Variants in TRIM66 observed in about 807,000 individuals in gnomAD.
The protein encoded by TRIM66 is tripartite motif containing 66, also known as tripartite motif-containing protein 66.
A neutral mutation model predicts 148.2 loss-of-function variants in TRIM66; 99 were observed. That is an observed-to-expected ratio of 0.67 (90% CI 0.57 to 0.79). The LOEUF (loss-of-function observed/expected upper bound fraction) is 0.79, where lower values mean the gene tolerates loss of function less well. TRIM66 is among the 30% of genes least tolerant of loss of function. The probability of loss-of-function intolerance (pLI) is 0.00; values close to 1 mark genes in which losing one functional copy is unlikely to be tolerated. For synonymous variants in TRIM66, 616 were observed against 635.9 expected (o/e 0.97, Z 0.47); for missense variants, 1,666 against 1,697.9 (o/e 0.98, Z 0.33).
In TRIM66 at chr11:8,682,595, C is replaced by G. The variant is rs2039496020; in HGVS notation, c.-548+6G>C. 4.9e-6 allele frequency: 3 copies of G among 608,262 alleles called. No individual in the cohort carries two copies. The highest frequency in any genetic ancestry group is 8.8e-6 in the Non-Finnish European group (3 of 339,812). The allele number at this position is 608,262 out of a possible 1,614,324, so 37.7% of individuals were successfully genotyped here. A position where few individuals can be genotyped will look rare whatever the true frequency, so the allele number is the denominator to read the frequency against. ...CGCCCTCCGAGCCTAGCACAACGAG[C>G]CTCACCGAAACCGTACACCGCCACC... is the stretch of plus-strand genomic sequence containing the variant. On this transcript the variant is annotated splice_donor_region_variant and intron_variant, in intron 1 of 24. Coordinates refer to ENST00000646038, the MANE Select transcript of TRIM66 (RefSeq NM_001388022.1).
chr11:8,682,782 G>A (rs80106507), upstream of TRIM66: 6,561 of 1,613,502 alleles, frequency 4.1e-3, 224 homozygotes, highest in African/African-American at 0.074. Flanking sequence ...GAGACTTGGC[G>A]AAGGCCTTCC....
At chr11:8,631,611 A>G (rs1482651497) in intron 15 of TRIM66, among the ~76,000 whole-genome samples, 1 of 152,192 alleles carries the variant, frequency 6.6e-6, no homozygotes, top group African/African-American at 2.4e-5. Context: ...CTTTCAGTGA[A>G]TGACCTCATA....
rs200297337 is a variant in TRIM66, at chr11:8,618,886, C to T, written c.3983G>A (p.Arg1328Gln). The change falls in exon 24 of 25, where the codon CGG becomes CAG. Residue 1328 changes from arginine (R) to glutamine (Q), a missense_variant. Transcript: ENST00000646038. ...GWLKEIYPEK[R>Q]FAQPRQEDSD... ...GTCCTCCTGCCTTGGCTGGGCAAAC[C>T]GTTTCTCCGGGTAGATCTCCTTCAA... 1.7e-5 allele frequency: 27 copies of T among 1,551,240 alleles called. No individual in the cohort carries two copies. Among genetic ancestry groups the T allele is most frequent in the Admixed American group, 5.9e-5 (3 of 50,950 alleles).
chr11:8,663,981 G>C (rs1356292812), intron 6 of TRIM66, among the ~76,000 whole-genome samples: 1 of 152,146 alleles, frequency 6.6e-6, no homozygotes, highest in Non-Finnish European at 1.5e-5. Flanking sequence ...GGTTGGCAGG[G>C]GGCAAGGGTA....
chr11:8,682,461 G>A (rs1358915825), intron 1 of TRIM66, 140 bp downstream of exon 1: 2 of 380,518 alleles, frequency 5.3e-6, no homozygotes, highest in Non-Finnish European at 9.6e-6. Flanking sequence ...GAGGCCCTTA[G>A]GGTCGGCTTA....
intron 15 of TRIM66, 22 bp downstream of exon 15, chr11:8,638,632 G>A (rs185022954): frequency 5.2e-6 from 8 of 1,544,248 alleles, no homozygotes; most frequent in South Asian, 1.2e-5. Flanking sequence ...ATGTAGTTAG[G>A]GAAAACAGGC....
chr11:8,621,458 G>C, intron 19 of TRIM66, 137 bp from the exon 20 acceptor site: 1 of 1,337,610 alleles, frequency 7.5e-7, no homozygotes, highest in Non-Finnish European at 9.9e-7. Flanking sequence ...CAAGCCCCAT[G>C]AATGCTGGGA....
At chr11:8,637,980 G>A (rs2036036779) in intron 15 of TRIM66, among the ~76,000 whole-genome samples, 1 of 152,136 alleles carries the variant, frequency 6.6e-6, no homozygotes, top group Non-Finnish European at 1.5e-5. Context: ...CAGGGTAAGC[G>A]AACACTTTCA....
intron 15 of TRIM66, among the ~76,000 whole-genome samples, chr11:8,635,096 T>A (rs2035761660): frequency 6.6e-6 from 1 of 152,174 alleles, no homozygotes; most frequent in Middle Eastern, 3.2e-3. Context: ...AGAGGCCAAA[T>A]GGAGTCCTAT....
chr11:8,614,024 G>C lies in TRIM66; in HGVS notation c.*3920C>G, dbSNP rs961822114. 1 of 152,298 alleles carries C rather than the reference G, an allele frequency of 6.6e-6. No homozygotes were observed. Among genetic ancestry groups the C allele is most frequent in the African/African-American group, 2.4e-5 (1 of 41,462 alleles). 9.4% of individuals were successfully genotyped at this position (152,298 alleles called of 1,614,324 possible). A position where few individuals can be genotyped will look rare whatever the true frequency, so the allele number is the denominator to read the frequency against. ...TATGATGATGCCGAAAATGGAGAATGGCTGATAGTTTCAGCAAAATTGAAG... is the reference window on the plus strand; with the variant it reads ...TATGATGATGCCGAAAATGGAGAATCGCTGATAGTTTCAGCAAAATTGAAG... On this transcript the variant is annotated 3_prime_UTR_variant, in exon 25 of 25. Coordinates refer to ENST00000646038, the MANE Select transcript of TRIM66 (RefSeq NM_001388022.1).
rs887419214 is a variant in TRIM66 at position 8,640,559 on chromosome 11, G to C, written c.1816C>G (p.Pro606Ala). ...GGTGGGGGATGGGGGAGGGGTGGTG[G>C]TGGAGGTGGTAGCTGCTGCTGTGGC... ...QQPQQQLPPP[P>A]PPLPHPPPPL... Residue 606 changes from proline to alanine, a missense_variant, in exon 14 of 25, where the codon CCA becomes GCA. By Grantham distance (27) the Pro-to-Ala change is conservative. This residue lies in a region of TRIM66 where 1,431 missense variants were observed against 1,412.4 expected (regional missense o/e 1.01). Transcript: ENST00000646038. 7 of 1,547,242 alleles carry C rather than the reference G, an allele frequency of 4.5e-6. No homozygotes were observed. Among genetic ancestry groups the C allele is most frequent in the Non-Finnish European group, 6.1e-6 (7 of 1,145,246 alleles).
At chr11:8,637,365 A>G (rs1291656522) in intron 15 of TRIM66, among the ~76,000 whole-genome samples, 1 of 152,022 alleles carries the variant, frequency 6.6e-6, no homozygotes, top group Non-Finnish European at 1.5e-5. Flanking sequence ...GCATTAAATG[A>G]TTAAATAAAT....
chr11:8,621,071 T>C lies in TRIM66; in HGVS notation c.3506A>G (p.His1169Arg). Residue 1169 changes from histidine to arginine, a missense_variant, in exon 20 of 25, where the codon CAC becomes CGC. Coordinates refer to ENST00000646038, the MANE Select transcript of TRIM66 (RefSeq NM_001388022.1). ...CAAGGCTGGCACATGGCAGGAGAGG[T>C]GGAACACTTTGGGGCAGCGGTCACA... ...LCCDRCPKVF[H>R]LSCHVPALLS... 6.4e-7 allele frequency: 1 copy of C among 1,551,412 alleles called. No individual in the cohort carries two copies. Among genetic ancestry groups the C allele is most frequent in the Non-Finnish European group, 8.7e-7 (1 of 1,146,912 alleles).
intron 18 of TRIM66, 111 bp downstream of exon 18, chr11:8,622,705 A>G: frequency 1.0e-6 from 1 of 998,380 alleles, no homozygotes; most frequent in Non-Finnish European, 1.5e-6. Context: ...AGGCAGTTGC[A>G]GGCAAATTTC....
At chr11:8,670,009 TTTTA>T (rs1308213942) in intron 6 of TRIM66, among the ~76,000 whole-genome samples, 2 of 137,248 alleles carry the variant, frequency 1.5e-5, no homozygotes, top group East Asian at 2.6e-4. Context: ...CTTGTTTTGT[TTTTA>T]TTTATTTTTT....
chr11:8,640,860 A>G lies in TRIM66; in HGVS notation c.1515T>C (p.Ser505=). The change falls in exon 14 of 25, where the codon TCT becomes TCC. Residue 505 remains serine (S), a synonymous_variant. Transcript: ENST00000646038. Reference sequence around the variant, plus strand: ...TGGGCAGCAGGGCAGAGCACTGCAGAGACCCCAGCTGCTGGGGCACCATCT... The same window carrying G: ...TGGGCAGCAGGGCAGAGCACTGCAGGGACCCCAGCTGCTGGGGCACCATCT... ...PPEMVPQQLG[S]LQCSALLPRE... is the part of the protein sequence containing the mutation. The G allele has an allele frequency of 6.4e-7, 1 of 1,550,412 alleles. No homozygotes were observed. The highest frequency in any genetic ancestry group is 8.7e-7 in the Non-Finnish European group (1 of 1,146,950).
chr11:8,659,789 G>A (rs568494506), intron 6 of TRIM66, among the ~76,000 whole-genome samples: 7 of 152,288 alleles, frequency 4.6e-5, no homozygotes, highest in South Asian at 2.1e-4. Flanking sequence ...GGACAGCTGC[G>A]GTTGTCCAGC....
chr11:8,678,536 T>C (rs2039284794), intron 3 of TRIM66, among the ~76,000 whole-genome samples: 1 of 152,200 alleles, frequency 6.6e-6, no homozygotes, highest in Non-Finnish European at 1.5e-5. Flanking sequence ...TATACTTATA[T>C]TTTTTTCAGA....
At chr11:8,628,493 G>A (rs1434742918) in intron 15 of TRIM66, among the ~76,000 whole-genome samples, 1 of 151,672 alleles carries the variant, frequency 6.6e-6, no homozygotes, top group African/African-American at 2.4e-5. Flanking sequence ...TGGGCCTGTG[G>A]TCCCAGATTC....
Sources: allele counts gnomAD v4.1 joint callset (sites outside exome capture counted in the v4.1 genomes callset), GRCh38; gene constraint gnomAD v4.1.1; regional missense constraint gnomAD v4.1.1; transcripts MANE v1.5; gene names NCBI Gene and HGNC (gene_info 2026-07-23, HGNC 2026-07-21).